PEAK1: variants seen among roughly 807,000 people sequenced by gnomAD.
PEAK1 encodes the protein inactive tyrosine-protein kinase PEAK1.
A neutral mutation model predicts 124.7 loss-of-function variants in PEAK1; 54 were observed. The observed-to-expected ratio is 0.43, with a 90% CI of 0.35 to 0.54. The LOEUF (loss-of-function observed/expected upper bound fraction) is 0.54, where lower values mean the gene tolerates loss of function less well. Among genes scored for constraint, PEAK1 ranks in the 20% least tolerant of loss-of-function variants. The pLI, the probability that PEAK1 is intolerant of heterozygous loss-of-function variation, is 0.01. For missense variants in PEAK1, 2,046 were observed against 2,134.5 expected (o/e 0.96, Z 0.82); for synonymous variants, 719 against 760.0 (o/e 0.95, Z 0.89).
At chr15:77,363,157 C>T (rs2068009070) in intron 2 of PEAK1, among the ~76,000 whole-genome samples, 1 of 152,022 alleles carries the variant, frequency 6.6e-6, no homozygotes, top group Admixed American at 6.6e-5. Flanking sequence ...TGCCAGACCA[C>T]TTTTTTTAGC....
intron 1 of PEAK1, among the ~76,000 whole-genome samples, chr15:77,399,937 G>C (rs952978693): frequency 2.7e-4 from 41 of 152,042 alleles, no homozygotes; most frequent in African/African-American, 9.9e-4. Context: ...TTAACAACCA[G>C]AATATAGAAG....
At chr15:77,299,366 C>G (rs930349000) in intron 2 of PEAK1, among the ~76,000 whole-genome samples, 4 of 152,148 alleles carry the variant, frequency 2.6e-5, no homozygotes, top group African/African-American at 9.7e-5. Flanking sequence ...AAGTTGCTGA[C>G]ATTATGTCCC....
chr15:77,406,921 T>C (rs1019308359), intron 1 of PEAK1, among the ~76,000 whole-genome samples: 6 of 152,046 alleles, frequency 3.9e-5, no homozygotes, highest in Admixed American at 3.9e-4. Flanking sequence ...GGTGTAAAAA[T>C]AGGCACGTAG....
intron 6 of PEAK1, among the ~76,000 whole-genome samples, chr15:77,223,891 T>C (rs969357417): frequency 4.7e-5 from 7 of 150,332 alleles, no homozygotes; most frequent in African/African-American, 1.7e-4. Context: ...GAGAGATTTT[T>C]TTTTTTTTTT....
intron 2 of PEAK1, among the ~76,000 whole-genome samples, chr15:77,353,329 T>G (rs925651186): frequency 6.6e-6 from 1 of 152,154 alleles, no homozygotes; most frequent in African/African-American, 2.4e-5. Context: ...GTTCTGGGAC[T>G]AAGTTTGGGA....
chr15:77,346,618 G>A (rs1435698572), intron 2 of PEAK1: 1 of 985,032 alleles, frequency 1.0e-6, no homozygotes, highest in Non-Finnish European at 1.2e-6. Flanking sequence ...TCAACTAGGA[G>A]ACAAAACAGC....
At chr15:77,411,576 T>C (rs528582342) in intron 1 of PEAK1, among the ~76,000 whole-genome samples, 5 of 152,342 alleles carry the variant, frequency 3.3e-5, no homozygotes, top group Admixed American at 2.0e-4. Context: ...TAGTTTCTCA[T>C]GTCCACATTC....
chr15:77,246,788 G>A lies in PEAK1; in HGVS notation c.-115+5579C>T, dbSNP rs1024194481. On this transcript the variant is annotated intron_variant, in intron 6 of 9. Transcript: ENST00000682557. ...CAATCCCAGCACTTTGGGAGGCCGA[G>A]GTGGGCGGATCACGAGGTCAGGAGT... Among the ~76,000 whole-genome samples, 11 of 152,142 alleles carry A rather than the reference G, an allele frequency of 7.2e-5. No homozygotes were observed. The South Asian group carries it at 2.3e-3, about 32-fold the overall frequency.
At chr15:77,163,852 A>G (rs984165583) in intron 7 of PEAK1, among the ~76,000 whole-genome samples, 16 of 152,184 alleles carry the variant, frequency 1.1e-4, no homozygotes, top group Non-Finnish European at 1.9e-4. Flanking sequence ...CAAATGTGTG[A>G]CTTTTAAAAC....
chr15:77,319,958 G>T (rs1389272296), intron 2 of PEAK1, among the ~76,000 whole-genome samples: 1 of 152,192 alleles, frequency 6.6e-6, no homozygotes, highest in East Asian at 1.9e-4. Flanking sequence ...GAACCAACAT[G>T]AGATTTTATT....
At chr15:77,406,806 A>G (rs796490336) in intron 1 of PEAK1, among the ~76,000 whole-genome samples, 21 of 152,290 alleles carry the variant, frequency 1.4e-4, no homozygotes, top group African/African-American at 4.8e-4. Context: ...AAAAGAGCTC[A>G]CATAGCCAAA....
At chr15:77,305,716 C>T (rs915863898) in intron 2 of PEAK1, among the ~76,000 whole-genome samples, 4 of 152,132 alleles carry the variant, frequency 2.6e-5, no homozygotes, top group Admixed American at 6.5e-5. Context: ...CCCCTGTGAA[C>T]ACTAAAATCT....
In PEAK1 at chr15:77,353,015, C is replaced by T. The variant is rs1052921533; in HGVS notation, c.-603+12148G>A. 10 of 985,272 alleles carry T rather than the reference C, an allele frequency of 1.0e-5. No individual in the cohort carries two copies. The African/African-American group carries it at 1.6e-4, about 15-fold the overall frequency. 61.0% of individuals were successfully genotyped at this position (985,272 alleles called of 1,614,324 possible). On this transcript the variant is annotated intron_variant, in intron 2 of 9. Coordinates refer to ENST00000682557, the MANE Select transcript of PEAK1 (RefSeq NM_001385026.1). ...GTGAGTAAAACACTCTGGCAAGCAT[C>T]TGTTGGCTAATAGCAAAGAAAACCA...
intron 7 of PEAK1, among the ~76,000 whole-genome samples, chr15:77,159,936 A>G (rs2055482995): frequency 6.6e-6 from 1 of 152,236 alleles, no homozygotes; most frequent in Non-Finnish European, 1.5e-5. Context: ...TGGCAGAGCC[A>G]GAGGTCTCTC....
chr15:77,120,049 G>C (rs2051767074), intron 9 of PEAK1, among the ~76,000 whole-genome samples: 1 of 152,154 alleles, frequency 6.6e-6, no homozygotes, highest in East Asian at 1.9e-4. Flanking sequence ...AGGGATAGGG[G>C]GAAAGGTGGA....
chr15:77,310,774 C>T (rs1397781719), intron 2 of PEAK1, among the ~76,000 whole-genome samples: 2 of 152,020 alleles, frequency 1.3e-5, no homozygotes, highest in African/African-American at 4.8e-5. Context: ...TTGGGGATAA[C>T]CTAAAGAAGC....
chr15:77,142,604 A>G (rs960308230), intron 8 of PEAK1, among the ~76,000 whole-genome samples: 1 of 152,238 alleles, frequency 6.6e-6, no homozygotes, highest in Non-Finnish European at 1.5e-5. Context: ...TGGTACACCC[A>G]TACAATTGAC....
At chr15:77,411,600 A>C (rs1041328170) in intron 1 of PEAK1, among the ~76,000 whole-genome samples, 2 of 152,156 alleles carry the variant, frequency 1.3e-5, no homozygotes, top group Non-Finnish European at 2.9e-5. Flanking sequence ...AATAAGCTTC[A>C]TTAGTACTTC....
chr15:77,228,670 T>C (rs916408913), intron 6 of PEAK1, among the ~76,000 whole-genome samples: 1 of 152,144 alleles, frequency 6.6e-6, no homozygotes, highest in African/African-American at 2.4e-5. Flanking sequence ...CTTTTGATAC[T>C]TGTCTTTTTG....
Sources: allele counts gnomAD v4.1 joint callset (sites outside exome capture counted in the v4.1 genomes callset), GRCh38; gene constraint gnomAD v4.1.1; transcripts MANE v1.5; gene names NCBI Gene and HGNC (gene_info 2026-07-23, HGNC 2026-07-21).